The following ELP2 variants were observed in gnomAD, a reference collection of about 807,000 sequenced individuals.
The protein encoded by ELP2 is elongator acetyltransferase complex subunit 2, also known as elongator complex protein 2.
Under a neutral mutation model 119.2 loss-of-function variants are expected in ELP2, and 90 were observed. The observed-to-expected ratio is 0.75, with a 90% confidence interval of 0.64 to 0.90. The LOEUF is 0.90. Among genes scored for constraint, ELP2 ranks in the 40% least tolerant of loss-of-function variants. The probability of loss-of-function intolerance (pLI) is 0.00; values close to 1 mark genes in which losing one functional copy is unlikely to be tolerated. For synonymous variants in ELP2, 339 were observed against 331.0 expected, an observed-to-expected ratio of 1.02 and a Z score of -0.26; for missense variants, 921 against 967.8, an observed-to-expected ratio of 0.95 and a Z score of 0.64.
chr18:36,157,604 G>A (rs1354937318), intron 13 of ELP2, among the ~76,000 whole-genome samples: 1 of 152,144 alleles, frequency 6.6e-6, no homozygotes, highest in South Asian at 2.1e-4. Context: ...TTATCTGGAA[G>A]CCAAGAGACT....
Position 36,138,356 on chromosome 18 carries a change from A to C in ELP2, c.375A>C (p.Ala125=), listed in dbSNP as rs558363966. ...AVYQRRTSDP[A]LCTLIVSAAA... ...ACCAGAGGAGGACATCAGATCCTGC[A>C]TTATGTACACTGATCGTTTCTGCAG... The change falls in exon 4 of 22, where the codon GCA becomes GCC. Residue 125 remains alanine (A), a synonymous_variant. Coordinates refer to ENST00000358232, the MANE Select transcript of ELP2 (RefSeq NM_018255.4). The C allele has an allele frequency of 5.0e-5, 81 of 1,614,120 alleles. No individual in the cohort carries two copies. The South Asian group carries it at 7.9e-4, about 16-fold the overall frequency.
chr18:36,148,924 C>T (rs1478770528), intron 11 of ELP2, among the ~76,000 whole-genome samples: 1 of 152,194 alleles, frequency 6.6e-6, no homozygotes, highest in Non-Finnish European at 1.5e-5. Context: ...TCCAGTCCAT[C>T]ATACTGTATG....
At chr18:36,139,577 A>G in intron 5 of ELP2, 2 of 1,535,174 alleles carry the variant, frequency 1.3e-6, no homozygotes, top group East Asian at 2.4e-5. Flanking sequence ...CTGGCATCAT[A>G]ACAGAATTTC....
At chr18:36,155,807 A>G (rs2090554810) in intron 12 of ELP2, among the ~76,000 whole-genome samples, 1 of 152,234 alleles carries the variant, frequency 6.6e-6, no homozygotes, top group Non-Finnish European at 1.5e-5. Context: ...TCAAGTGTAC[A>G]ATAAAAGCCT....
At position 36,155,108 on chromosome 18, in the gene ELP2, G is replaced by A. The variant is rs2090526561; in HGVS notation, c.1275+109G>A. 5.6e-5 allele frequency: 50 copies of A among 888,596 alleles called. No individual in the cohort carries two copies. The South Asian group carries it at 7.0e-4, about 13-fold the overall frequency. The allele number at this position is 888,596 out of a possible 1,614,324, so 55.0% of individuals were successfully genotyped here. A position where few individuals can be genotyped will look rare whatever the true frequency, so the allele number is the denominator to read the frequency against. Reference sequence around the variant, plus strand: ...GCTCACTGCAGCCTCCGCCACCCAGGTTCAAGCGATTCTCCTGTCTCAGCC... The same window carrying A: ...GCTCACTGCAGCCTCCGCCACCCAGATTCAAGCGATTCTCCTGTCTCAGCC... On this transcript the variant is annotated intron_variant, in intron 12 of 21. Coordinates refer to ENST00000358232, the MANE Select transcript of ELP2 (RefSeq NM_018255.4).
chr18:36,139,914 T>C (rs2089963317), intron 5 of ELP2, among the ~76,000 whole-genome samples: 1 of 150,484 alleles, frequency 6.6e-6, no homozygotes. Flanking sequence ...GCAGTGGTGA[T>C]CATAGCTCAC....
chr18:36,134,940 C>T (rs2089774194), intron 2 of ELP2, among the ~76,000 whole-genome samples: 1 of 152,112 alleles, frequency 6.6e-6, no homozygotes, highest in Admixed American at 6.6e-5. Flanking sequence ...ATTATTAAGA[C>T]TTTGCTATGA....
Position 36,142,446 on chromosome 18 carries a change from T to G in ELP2, c.655+99T>G, listed in dbSNP as rs1468936903. 5 of 1,017,106 alleles carry G rather than the reference T, an allele frequency of 4.9e-6. No individual in the cohort carries two copies. The African/African-American group carries it at 6.4e-5, about 13-fold the overall frequency. 63.0% of individuals were successfully genotyped at this position (1,017,106 alleles called of 1,614,324 possible). The stretch of plus-strand genomic sequence containing the variant: ...TGTTTTAATTTTTAAGTTTTCTTTG[T>G]ATGTTATGTTTTTCTATTGTCCCAA... On this transcript the variant is annotated intron_variant, in intron 7 of 21. Coordinates refer to ENST00000358232, the MANE Select transcript of ELP2 (RefSeq NM_018255.4).
chr18:36,172,896 A>G (rs1320691966), intron 21 of ELP2, among the ~76,000 whole-genome samples: 2 of 152,276 alleles, frequency 1.3e-5, no homozygotes, highest in South Asian at 2.1e-4. Context: ...CTTAACATAT[A>G]TTATTTGGAT....
At chr18:36,133,768 A>G (rs1380266049) in intron 2 of ELP2, among the ~76,000 whole-genome samples, 1 of 150,282 alleles carries the variant, frequency 6.7e-6, no homozygotes, top group Non-Finnish European at 1.5e-5. Context: ...GGAGACTAGA[A>G]TGTTTATTTT....
chr18:36,132,808 A>G (rs773318452), intron 1 of ELP2, among the ~76,000 whole-genome samples: 2 of 150,496 alleles, frequency 1.3e-5, no homozygotes, highest in African/African-American at 2.5e-5. Flanking sequence ...AGATTCTTCT[A>G]TTGGAGGGCT....
chr18:36,136,448 C>G (rs2089828787), intron 3 of ELP2, 71 bp downstream of exon 3: 1 of 1,250,318 alleles, frequency 8.0e-7, no homozygotes, highest in African/African-American at 1.5e-5. Context: ...TAGAGTTTCA[C>G]TCTGTCACCC....
At chr18:36,150,406 T>G (rs1477508074) in intron 11 of ELP2, among the ~76,000 whole-genome samples, 1 of 152,240 alleles carries the variant, frequency 6.6e-6, no homozygotes, top group East Asian at 1.9e-4. Context: ...ATTATGGAAC[T>G]CTTCCGGACA....
chr18:36,154,753 A>G lies in ELP2; in HGVS notation c.1126-97A>G, dbSNP rs1204078254. On this transcript the variant is annotated intron_variant, in intron 11 of 21. Coordinates refer to ENST00000358232, the MANE Select transcript of ELP2 (RefSeq NM_018255.4). ...TGTATACTTAGCTTTTCACCTTGCC[A>G]GAGGGCTTTAGTCTTCTCTGTTATC... 8.0e-6 allele frequency: 11 copies of G among 1,380,532 alleles called. No homozygotes were observed. The Admixed American group carries it at 1.2e-4, about 15-fold the overall frequency. 85.5% of individuals were successfully genotyped at this position (1,380,532 alleles called of 1,614,324 possible).
Position 36,170,105 on chromosome 18 carries a change from G to A in ELP2, c.2119G>A (p.Glu707Lys). The A allele has an allele frequency of 1.2e-6, 2 of 1,614,080 alleles. No individual in the cohort carries two copies. Among genetic ancestry groups the A allele is most frequent in the Non-Finnish European group, 1.7e-6 (2 of 1,180,008 alleles). Residue 707 changes from glutamate to lysine, a missense_variant, in exon 20 of 22, where the codon GAG becomes AAG. Coordinates refer to ENST00000358232, the MANE Select transcript of ELP2 (RefSeq NM_018255.4). ...GTGCGACTCCACTGATGACTGTATT[G>A]AGCACAACATTGGCCCCTGCTCCTC... ...GECDSTDDCI[E>K]HNIGPCSSVL...
At chr18:36,164,334 T>G in intron 17 of ELP2, 141 bp from the exon 18 acceptor site, 1 of 708,236 alleles carries the variant, frequency 1.4e-6, no homozygotes, top group Non-Finnish European at 2.5e-6. Flanking sequence ...ATGGTTGTAG[T>G]ATGTTATCTC....
At chr18:36,153,145 G>A (rs182368313) in intron 11 of ELP2, among the ~76,000 whole-genome samples, 59 of 152,286 alleles carry the variant, frequency 3.9e-4, no homozygotes, top group Non-Finnish European at 7.3e-4. Context: ...CAGTGACCAA[G>A]GGATTGAATT....
Position 36,130,044 on chromosome 18 carries a change from C to G in ELP2, c.111C>G (p.Ser37=). The G allele has an allele frequency of 6.2e-7, 1 of 1,614,194 alleles. No homozygotes were observed. The highest frequency in any genetic ancestry group is 8.5e-7 in the Non-Finnish European group (1 of 1,180,028). Residue 37 remains serine (S), a synonymous_variant, in exon 1 of 22, where the codon TCC becomes TCG. Transcript: ENST00000358232. ...GAGGACTTCTGGCCTTTGGCACGTC[C>G]TGCTCCGTGGTGCTCTATGACCCCC... The part of the protein sequence containing the change: ...GPRGLLAFGT[S]CSVVLYDPLK...
rs776130215 is a variant in ELP2, at chr18:36,155,049, A to G, written c.1275+50A>G. On this transcript the variant is annotated intron_variant, in intron 12 of 21. Transcript: ENST00000358232. ...ATTTTTTCTTGGGACAGAGTTTCAC[A>G]TCACCCAGGCTGAAGTGCAATGGCA... 1.1e-5 allele frequency: 17 copies of G among 1,504,474 alleles called. No homozygotes were observed. In the South Asian group the frequency reaches 1.7e-4, roughly 15 times the overall value. 93.2% of individuals were successfully genotyped at this position (1,504,474 alleles called of 1,614,324 possible).
Sources: gnomAD v4.1 joint callset for allele counts (sites outside exome capture counted in the v4.1 genomes callset) on GRCh38, gnomAD v4.1.1 for gene constraint, MANE v1.5 for transcripts, NCBI Gene and HGNC (gene_info 2026-07-23, HGNC 2026-07-21) for gene names.